MGMT: variants seen among roughly 807,000 people sequenced by gnomAD.
MGMT encodes the protein O-6-methylguanine-DNA methyltransferase, also known as methylated-DNA--protein-cysteine methyltransferase.
In MGMT, 14 loss-of-function variants were observed where a neutral mutation model predicts 15.9. The observed-to-expected ratio is 0.88, with a 90% CI of 0.58 to 1.37. The LOEUF (loss-of-function observed/expected upper bound fraction) is 1.37. Among genes scored for constraint, MGMT ranks in the 40% most tolerant of loss-of-function variants. MGMT has a pLI of 0.00. For missense variants in MGMT, 282 were observed against 268.1 expected (o/e 1.05, Z -0.36); for synonymous variants, 130 against 118.2 (o/e 1.10, Z -0.65).
intron 2 of MGMT, among the ~76,000 whole-genome samples, chr10:129,664,104 A>G (rs1454460005): frequency 6.6e-6 from 1 of 152,212 alleles, no homozygotes; most frequent in Non-Finnish European, 1.5e-5. Flanking sequence ...GTAGTATAAT[A>G]TACCTCAACA....
At chr10:129,559,693 C>A (rs534700221) in intron 2 of MGMT, among the ~76,000 whole-genome samples, 2 of 152,176 alleles carry the variant, frequency 1.3e-5, no homozygotes, top group South Asian at 4.2e-4. Context: ...TCTTAGTCAT[C>A]AGGAATGTTT....
intron 1 of MGMT, among the ~76,000 whole-genome samples, chr10:129,535,755 G>A (rs775326737): frequency 2.6e-5 from 4 of 152,216 alleles, no homozygotes; most frequent in Non-Finnish European, 4.4e-5. Context: ...CACAGGTGCC[G>A]TGGCATAGGT....
intron 2 of MGMT, among the ~76,000 whole-genome samples, chr10:129,635,588 G>C (rs188312821): frequency 8.6e-4 from 131 of 152,348 alleles, no homozygotes; most frequent in African/African-American, 2.8e-3. Flanking sequence ...CCTGGAAACA[G>C]AAGTGCTGGG....
intron 3 of MGMT, among the ~76,000 whole-genome samples, chr10:129,731,475 G>A (rs1848497182): frequency 6.9e-6 from 1 of 144,700 alleles, no homozygotes; most frequent in Non-Finnish European, 1.5e-5. Flanking sequence ...AGATTCTTCT[G>A]CCTCAGCTTC....
intron 1 of MGMT, among the ~76,000 whole-genome samples, chr10:129,494,603 T>G (rs999089021): frequency 6.6e-6 from 1 of 152,246 alleles, no homozygotes; most frequent in Non-Finnish European, 1.5e-5. Context: ...ACTAGTCACA[T>G]TGGCTGCTGG....
At chr10:129,590,136 G>A (rs1428692876) in intron 2 of MGMT, among the ~76,000 whole-genome samples, 5 of 152,222 alleles carry the variant, frequency 3.3e-5, no homozygotes, top group Admixed American at 6.5e-5. Context: ...GCAGGCGGGG[G>A]CTCTGCCGCA....
At chr10:129,507,921 A>G (rs1845642193) in intron 1 of MGMT, among the ~76,000 whole-genome samples, 1 of 152,228 alleles carries the variant, frequency 6.6e-6, no homozygotes, top group Non-Finnish European at 1.5e-5. Flanking sequence ...ACAGGTTTGT[A>G]GAGTTTGAAT....
At chr10:129,575,976 C>A (rs1846477662) in intron 2 of MGMT, among the ~76,000 whole-genome samples, 1 of 152,152 alleles carries the variant, frequency 6.6e-6, no homozygotes. Context: ...TCTCCCAAGA[C>A]TAAACCAGGA....
chr10:129,710,042 C>T (rs1279102130), intron 3 of MGMT, among the ~76,000 whole-genome samples: 1 of 152,210 alleles, frequency 6.6e-6, no homozygotes, highest in African/African-American at 2.4e-5. Context: ...CAGGCGGGCC[C>T]CTGGGGCTTC....
intron 2 of MGMT, among the ~76,000 whole-genome samples, chr10:129,681,036 C>CTG: frequency 6.6e-6 from 1 of 152,340 alleles, no homozygotes; most frequent in East Asian, 1.9e-4. Context: ...CCAGTGCTGC[C>CTG]TGTGCTGTGG....
intron 2 of MGMT, among the ~76,000 whole-genome samples, chr10:129,550,566 C>G (rs1589861918): frequency 6.6e-6 from 1 of 151,976 alleles, no homozygotes; most frequent in Admixed American, 6.6e-5. Context: ...CGCGCCTCAG[C>G]CCCCCAAGTA....
At position 129,742,205 on chromosome 10, in the gene MGMT, G is replaced by A. The variant is rs191703908; in HGVS notation, c.275-16997G>A. Among the ~76,000 whole-genome samples, 432 of 152,328 alleles carry A rather than the reference G, an allele frequency of 2.8e-3. 7 individuals are homozygous for A. The highest frequency in any genetic ancestry group is 9.8e-3 in the African/African-American group (409 of 41,582). On this transcript the variant is annotated intron_variant, in intron 3 of 4. Transcript: ENST00000651593. ...TGTCTGGGGAGGTCATGTGCCTACT[G>A]GGTGGGGCAGGTCCTTGTGTGGGAG...
intron 3 of MGMT, among the ~76,000 whole-genome samples, chr10:129,750,588 A>G (rs1848741387): frequency 6.6e-6 from 1 of 152,136 alleles, no homozygotes; most frequent in South Asian, 2.1e-4. Flanking sequence ...AGCTATTTAC[A>G]TAGCATTTAC....
intron 1 of MGMT, among the ~76,000 whole-genome samples, chr10:129,471,406 C>A (rs1473022286): frequency 6.6e-6 from 1 of 152,020 alleles, no homozygotes; most frequent in African/African-American, 2.4e-5. Flanking sequence ...AGTTATTTAT[C>A]ATTTGTTTTT....
At chr10:129,628,303 CAT>C in intron 2 of MGMT, among the ~76,000 whole-genome samples, 1 of 152,286 alleles carries the variant, frequency 6.6e-6, no homozygotes, top group Non-Finnish European at 1.5e-5. Context: ...GTTTATCATA[CAT>C]GTTTTGGAAA....
chr10:129,739,209 C>T (rs1030806140), intron 3 of MGMT, among the ~76,000 whole-genome samples: 1 of 152,098 alleles, frequency 6.6e-6, no homozygotes, highest in Non-Finnish European at 1.5e-5. Flanking sequence ...ACTGAATGGG[C>T]AAAACTGGAA....
At chr10:129,678,691 T>A (rs929241107) in intron 2 of MGMT, among the ~76,000 whole-genome samples, 2 of 152,140 alleles carry the variant, frequency 1.3e-5, no homozygotes, top group Non-Finnish European at 2.9e-5. Flanking sequence ...ATCCACTCCC[T>A]AATGTTTTAA....
intron 2 of MGMT, among the ~76,000 whole-genome samples, chr10:129,581,603 A>G (rs957970898): frequency 1.3e-5 from 2 of 152,224 alleles, no homozygotes; most frequent in Admixed American, 6.5e-5. Flanking sequence ...GAGTGCAGAC[A>G]CGTCTCAGAA....
At chr10:129,637,814 C>G (rs7899655) in intron 2 of MGMT, among the ~76,000 whole-genome samples, 1 of 152,126 alleles carries the variant, frequency 6.6e-6, no homozygotes, top group African/African-American at 2.4e-5. Flanking sequence ...GGTGGCCGTC[C>G]GCAAGCCAAG....
Sources: gnomAD v4.1 joint callset for allele counts (sites outside exome capture counted in the v4.1 genomes callset) on GRCh38, gnomAD v4.1.1 for gene constraint, MANE v1.5 for transcripts, NCBI Gene and HGNC (gene_info 2026-07-23, HGNC 2026-07-21) for gene names.